The following PCDH9 variants were observed in gnomAD, a reference collection of about 807,000 sequenced individuals.
PCDH9 encodes protocadherin 9, also known as protocadherin-9.
Under a neutral mutation model 70.6 loss-of-function variants are expected in PCDH9, and 24 were observed. The ratio of observed to expected loss-of-function variants is 0.34; its 90% CI spans 0.25 to 0.48. The LOEUF (loss-of-function observed/expected upper bound fraction) is 0.48. Ranked by LOEUF, PCDH9 falls within the 20% of genes least tolerant of loss-of-function variation. The pLI is 0.99. For synonymous variants in PCDH9, 562 were observed against 558.5 expected (o/e 1.01, Z -0.09); for missense variants, 1,281 against 1,503.6 (o/e 0.85, Z 2.45).
At chr13:67,032,136 T>C (rs759149532) in intron 2 of PCDH9, among the ~76,000 whole-genome samples, 3 of 152,044 alleles carry the variant, frequency 2.0e-5, no homozygotes, top group Non-Finnish European at 2.9e-5. Flanking sequence ...CTTTTAAAGT[T>C]TAAATACCAC....
chr13:66,921,887 T>C (rs1043548608), intron 2 of PCDH9, among the ~76,000 whole-genome samples: 1 of 151,332 alleles, frequency 6.6e-6, no homozygotes, highest in Non-Finnish European at 1.5e-5. Context: ...TGTATTCAAG[T>C]CATTAGTAGC....
chr13:66,598,708 G>T lies in PCDH9; in HGVS notation c.3340+32502C>A, dbSNP rs530609205. Among the ~76,000 whole-genome samples the T allele has an allele frequency of 2.6e-5, 4 of 151,872 alleles. No individual in the cohort carries two copies. The East Asian group carries it at 5.8e-4, about 22-fold the overall frequency. The stretch of plus-strand genomic sequence containing the variant: ...CAAAATTTTGTGCTTGCTTAAATTT[G>T]TGCTAGCTTAAACAACTAGGGGTGT... On this transcript the variant is annotated intron_variant, in intron 4 of 4. Coordinates refer to ENST00000377865, the MANE Select transcript of PCDH9 (RefSeq NM_203487.3).
chr13:66,977,813 T>C (rs2083651901), intron 2 of PCDH9, among the ~76,000 whole-genome samples: 1 of 152,114 alleles, frequency 6.6e-6, no homozygotes, highest in African/African-American at 2.4e-5. Context: ...ATGGTGCTTC[T>C]GGTAAAATCT....
chr13:66,484,734 C>A (rs1958910436), intron 4 of PCDH9, among the ~76,000 whole-genome samples: 1 of 152,130 alleles, frequency 6.6e-6, no homozygotes, highest in South Asian at 2.1e-4. Context: ...AGTGGGCGAT[C>A]TGAATTCTTA....
At chr13:66,760,526 T>C (rs900509896) in intron 3 of PCDH9, among the ~76,000 whole-genome samples, 8 of 152,214 alleles carry the variant, frequency 5.3e-5, no homozygotes, top group African/African-American at 1.9e-4. Context: ...CCCGTCATCT[T>C]CGTAAGCTGA....
chr13:66,737,035 C>G (rs113834335), intron 3 of PCDH9, among the ~76,000 whole-genome samples: 5 of 152,006 alleles, frequency 3.3e-5, no homozygotes, highest in Non-Finnish European at 7.4e-5. Context: ...TCCCATGAAA[C>G]GCAGGGTAGT....
intron 2 of PCDH9, among the ~76,000 whole-genome samples, chr13:67,019,338 T>G (rs939260888): frequency 6.6e-6 from 1 of 151,452 alleles, no homozygotes; most frequent in Non-Finnish European, 1.5e-5. Context: ...GGACTACAGG[T>G]GCCCGCCACC....
At chr13:66,868,861 T>C (rs1219999818) in intron 3 of PCDH9, among the ~76,000 whole-genome samples, 1 of 152,122 alleles carries the variant, frequency 6.6e-6, no homozygotes, top group Admixed American at 6.6e-5. Context: ...TGCTAGGAAT[T>C]GTAGTTTTAA....
At chr13:66,623,176 A>G (rs1296860754) in intron 4 of PCDH9, among the ~76,000 whole-genome samples, 1 of 152,258 alleles carries the variant, frequency 6.6e-6, no homozygotes, top group African/African-American at 2.4e-5. Flanking sequence ...AGTCAGACCA[A>G]CAACCCACCA....
rs181824242 is a variant in PCDH9 at position 67,017,934 on chromosome 13, T to C, written c.3037-114329A>G. Among the ~76,000 whole-genome samples, 5 of 152,296 alleles carry C rather than the reference T, an allele frequency of 3.3e-5. No homozygotes were observed. The East Asian group carries it at 9.7e-4, about 29-fold the overall frequency. ...AACAGTATAGGTGAAGAAAATAACA[T>C]TATTAAAGACCCAGAGATATACAAC... On this transcript the variant is annotated intron_variant, in intron 2 of 4. Transcript: ENST00000377865.
At chr13:66,904,121 A>G (rs2082321161) in intron 2 of PCDH9, among the ~76,000 whole-genome samples, 1 of 151,968 alleles carries the variant, frequency 6.6e-6, no homozygotes, top group Non-Finnish European at 1.5e-5. Context: ...TAAGTGATAC[A>G]TTTGAAATAG....
chr13:66,781,736 T>G (rs2080001596), intron 3 of PCDH9, among the ~76,000 whole-genome samples: 1 of 152,172 alleles, frequency 6.6e-6, no homozygotes, highest in Admixed American at 6.6e-5. Context: ...GAGATTTGGA[T>G]GCTTCAAGTG....
chr13:66,798,336 C>T (rs2080276391), intron 3 of PCDH9, among the ~76,000 whole-genome samples: 1 of 152,002 alleles, frequency 6.6e-6, no homozygotes, highest in Admixed American at 6.6e-5. Flanking sequence ...TTTCTTGATC[C>T]AAATGCGTCT....
chr13:66,915,331 C>T (rs533621612), intron 2 of PCDH9, among the ~76,000 whole-genome samples: 42 of 151,574 alleles, frequency 2.8e-4, no homozygotes, highest in African/African-American at 8.9e-4. Context: ...ATTCTAAGCT[C>T]TTTTATAGAA....
intron 4 of PCDH9, among the ~76,000 whole-genome samples, chr13:66,401,757 C>G (rs1261714859): frequency 7.9e-6 from 1 of 126,654 alleles, no homozygotes; most frequent in Non-Finnish European, 1.7e-5. Flanking sequence ...ACCCTGCATT[C>G]AAGTGTACCT....
intron 4 of PCDH9, among the ~76,000 whole-genome samples, chr13:66,562,200 G>GA (rs556417790): frequency 1.4e-3 from 204 of 148,210 alleles, no homozygotes; most frequent in South Asian, 8.9e-3. Flanking sequence ...TATTTAAAAG[G>GA]AAAAAAAAAA....
chr13:66,472,457 A>T (rs1413698511), intron 4 of PCDH9, among the ~76,000 whole-genome samples: 1 of 151,856 alleles, frequency 6.6e-6, no homozygotes, highest in Non-Finnish European at 1.5e-5. Context: ...CTGTAGTCCT[A>T]GCTTCAGAGG....
At chr13:67,191,690 C>G (rs912154527) in intron 2 of PCDH9, among the ~76,000 whole-genome samples, 1 of 152,076 alleles carries the variant, frequency 6.6e-6, no homozygotes, top group Non-Finnish European at 1.5e-5. Context: ...CATTATCACC[C>G]CCACCTGGAC....
At chr13:66,990,148 G>C (rs563697070) in intron 2 of PCDH9, among the ~76,000 whole-genome samples, 1 of 151,930 alleles carries the variant, frequency 6.6e-6, no homozygotes, top group African/African-American at 2.4e-5. Flanking sequence ...ATAGTCCAGT[G>C]AATGACCCCA....
Sources: allele counts gnomAD v4.1 joint callset (sites outside exome capture counted in the v4.1 genomes callset), GRCh38; gene constraint gnomAD v4.1.1; transcripts MANE v1.5; gene names NCBI Gene and HGNC (gene_info 2026-07-23, HGNC 2026-07-21).